Variants in WWOX observed in about 807,000 individuals in gnomAD.
WWOX encodes WW domain containing oxidoreductase, also known as WW domain-containing oxidoreductase.
WWOX carries 69 observed loss-of-function variants against 46.2 expected under a neutral mutation model. The ratio of observed to expected loss-of-function variants is 1.49; its 90% CI spans 1.23 to 1.82. WWOX has a LOEUF of 1.82. Ranked by LOEUF, WWOX falls within the 40% of genes most tolerant of loss-of-function variation. The probability of loss-of-function intolerance (pLI) is 0.00; values close to 1 mark genes in which losing one functional copy is unlikely to be tolerated. For missense variants in WWOX, 919 were observed against 542.6 expected (o/e 1.69, Z -6.89); for synonymous variants, 359 against 202.6 (o/e 1.77, Z -6.56).
intron 8 of WWOX, among the ~76,000 whole-genome samples, chr16:78,461,037 G>A (rs1048870661): frequency 6.6e-6 from 1 of 152,222 alleles, no homozygotes; most frequent in African/African-American, 2.4e-5. Flanking sequence ...ATCTGACACA[G>A]TGTTGGTGGT....
At chr16:78,960,868 A>G (rs982398005) in intron 8 of WWOX, among the ~76,000 whole-genome samples, 1 of 152,242 alleles carries the variant, frequency 6.6e-6, no homozygotes, top group Non-Finnish European at 1.5e-5. Context: ...GTATACATAC[A>G]TAGCTCTTTT....
At chr16:78,367,126 C>G (rs763754291) in intron 5 of WWOX, among the ~76,000 whole-genome samples, 1 of 151,868 alleles carries the variant, frequency 6.6e-6, no homozygotes, top group African/African-American at 2.4e-5. Flanking sequence ...ACTACAGGTG[C>G]CTGCCACCAC....
At chr16:78,484,839 G>A (rs534197007) in intron 8 of WWOX, among the ~76,000 whole-genome samples, 5 of 152,270 alleles carry the variant, frequency 3.3e-5, no homozygotes, top group Admixed American at 1.3e-4. Flanking sequence ...GGGGGGAAGC[G>A]AATGTGAAGT....
chr16:78,924,592 T>C (rs2045456284), intron 8 of WWOX, among the ~76,000 whole-genome samples: 1 of 152,198 alleles, frequency 6.6e-6, no homozygotes, highest in Admixed American at 6.5e-5. Context: ...AAAGCCAGTA[T>C]TGGTAAAAAC....
At chr16:78,462,535 C>G (rs763434112) in intron 8 of WWOX, among the ~76,000 whole-genome samples, 1 of 152,182 alleles carries the variant, frequency 6.6e-6, no homozygotes, top group Admixed American at 6.5e-5. Flanking sequence ...AAAGCAATGC[C>G]TTACCTCTTC....
intron 5 of WWOX, among the ~76,000 whole-genome samples, chr16:78,223,734 C>G (rs1259305965): frequency 1.3e-5 from 2 of 151,842 alleles, no homozygotes; most frequent in Non-Finnish European, 2.9e-5. Flanking sequence ...GTGTTGGAGC[C>G]CAGCTGAGTG....
chr16:78,398,129 C>T (rs1233897641), intron 6 of WWOX, among the ~76,000 whole-genome samples: 11 of 152,082 alleles, frequency 7.2e-5, no homozygotes, highest in Non-Finnish European at 1.5e-4. Context: ...GCTATTTATA[C>T]CTCCAAATTG....
chr16:79,053,856 C>T (rs1357489544), intron 8 of WWOX, among the ~76,000 whole-genome samples: 1 of 152,068 alleles, frequency 6.6e-6, no homozygotes, highest in Non-Finnish European at 1.5e-5. Flanking sequence ...AAGAGTTTGC[C>T]AGCCCGAAAA....
At chr16:79,168,733 G>T (rs1193097546) in intron 8 of WWOX, among the ~76,000 whole-genome samples, 1 of 152,148 alleles carries the variant, frequency 6.6e-6, no homozygotes, top group Non-Finnish European at 1.5e-5. Context: ...GCAAGGGGGA[G>T]GGGTAAACCA....
chr16:78,747,929 G>C (rs150746745), intron 8 of WWOX, among the ~76,000 whole-genome samples: 54 of 152,264 alleles, frequency 3.5e-4, no homozygotes, highest in African/African-American at 1.3e-3. Context: ...GTTTTTCTTA[G>C]ACTCAGCATC....
At chr16:79,088,200 C>G (rs529730304) in intron 8 of WWOX, among the ~76,000 whole-genome samples, 3 of 152,196 alleles carry the variant, frequency 2.0e-5, no homozygotes, top group Non-Finnish European at 2.9e-5. Context: ...TAGCTAGGCT[C>G]AGTCCACGGG....
intron 1 of WWOX, among the ~76,000 whole-genome samples, chr16:78,107,607 TA>T (rs11289472): frequency 0.082 from 12,409 of 152,154 alleles, 1,051 homozygotes; most frequent in African/African-American, 0.22. Context: ...CTGCATCTCT[TA>T]ACTACCTCTT....
intron 8 of WWOX, among the ~76,000 whole-genome samples, chr16:79,003,912 G>C (rs1279128972): frequency 6.6e-6 from 1 of 152,160 alleles, no homozygotes; most frequent in African/African-American, 2.4e-5. Context: ...GAAGCGAATT[G>C]ATGGGCAGAT....
intron 8 of WWOX, among the ~76,000 whole-genome samples, chr16:78,657,242 C>T (rs1454729080): frequency 3.3e-5 from 5 of 152,032 alleles, no homozygotes; most frequent in Non-Finnish European, 7.4e-5. Flanking sequence ...GTTTTCATTG[C>T]CACCCTTGCC....
intron 5 of WWOX, among the ~76,000 whole-genome samples, chr16:78,258,629 T>A (rs575093478): frequency 6.7e-6 from 1 of 150,072 alleles, no homozygotes; most frequent in African/African-American, 2.5e-5. Flanking sequence ...TATTCTGAGT[T>A]TGGCAAAAAT....
chr16:78,787,399 C>G (rs893080543), intron 8 of WWOX, among the ~76,000 whole-genome samples: 3 of 152,142 alleles, frequency 2.0e-5, no homozygotes, highest in Non-Finnish European at 4.4e-5. Context: ...CTGGATATCT[C>G]ATATAAATGG....
chr16:78,607,843 G>C (rs1126185), intron 8 of WWOX, among the ~76,000 whole-genome samples: 8 of 151,734 alleles, frequency 5.3e-5, no homozygotes, highest in African/African-American at 1.9e-4. Context: ...ATTTTCTATC[G>C]GGTACAATAG....
At chr16:78,411,718 T>C (rs925825805) in intron 6 of WWOX, among the ~76,000 whole-genome samples, 1 of 152,132 alleles carries the variant, frequency 6.6e-6, no homozygotes, top group Non-Finnish European at 1.5e-5. Context: ...AGTGGGAGAA[T>C]GTAGAGGTGA....
chr16:78,509,704 T>G (rs79856306), intron 8 of WWOX, among the ~76,000 whole-genome samples: 4,237 of 152,292 alleles, frequency 0.028, 198 homozygotes, highest in African/African-American at 0.097. Flanking sequence ...CTTCACTGTT[T>G]TGTTTATATT....
Sources: gnomAD v4.1 joint callset for allele counts (sites outside exome capture counted in the v4.1 genomes callset) on GRCh38, gnomAD v4.1.1 for gene constraint, MANE v1.5 for transcripts, NCBI Gene and HGNC (gene_info 2026-07-23, HGNC 2026-07-21) for gene names.